Variants in PIEZO2 observed in about 807,000 individuals in gnomAD.
PIEZO2 encodes piezo-type mechanosensitive ion channel component 2.
PIEZO2 carries 172 observed loss-of-function variants against 337.3 expected under a neutral mutation model. The ratio of observed to expected loss-of-function variants is 0.51; its 90% CI spans 0.45 to 0.58. The LOEUF (loss-of-function observed/expected upper bound fraction) is 0.58. Among genes scored for constraint, PIEZO2 ranks in the 20% least tolerant of loss-of-function variants. The probability of loss-of-function intolerance (pLI) is 0.00; values close to 1 mark genes in which losing one functional copy is unlikely to be tolerated. For missense variants in PIEZO2, 3,028 were observed against 3,391.3 expected, an observed-to-expected ratio of 0.89 and a Z score of 2.66; for synonymous variants, 1,251 against 1,228.5, an observed-to-expected ratio of 1.02 and a Z score of -0.38.
chr18:10,781,032 A>G lies in PIEZO2; in HGVS notation c.2493-666T>C, dbSNP rs1483515227. Among the ~76,000 whole-genome samples, 1 of 152,086 alleles carries G rather than the reference A, an allele frequency of 6.6e-6. No homozygotes were observed. The highest frequency in any genetic ancestry group is 1.5e-5 in the Non-Finnish European group (1 of 68,020). ...TTTTGCTGCTACCCCAGAATTAAAAAAAAAAAGGATCCTACTCAGCGGCCA... is the reference window on the plus strand; with the variant it reads ...TTTTGCTGCTACCCCAGAATTAAAAGAAAAAAGGATCCTACTCAGCGGCCA... On this transcript the variant is annotated intron_variant, in intron 17 of 55. Coordinates refer to ENST00000674853, the MANE Select transcript of PIEZO2 (RefSeq NM_001378183.1). This position sits in a 1 kb window ranked among gnomAD's most constrained non-coding sequence, Gnocchi z 4.1.
chr18:10,774,173 T>G, intron 18 of PIEZO2, 135 bp from the exon 19 acceptor site: 2 of 647,848 alleles, frequency 3.1e-6, no homozygotes, highest in Non-Finnish European at 5.6e-6. Flanking sequence ...AGTAACGCCC[T>G]AATGCCAAAT....
chr18:10,894,967 C>T lies in PIEZO2; in HGVS notation c.329+16219G>A, dbSNP rs1380355099. ...ATTTTGATGTTAGATGTCTGCAGAT[C>T]CCACAATCCCTCCCTCTCTTTCCTG... is the stretch of plus-strand genomic sequence containing the variant. On this transcript the variant is annotated intron_variant, in intron 4 of 55. Coordinates refer to ENST00000674853, the MANE Select transcript of PIEZO2 (RefSeq NM_001378183.1). The surrounding 1 kb of genome is among the most constrained non-coding windows in gnomAD (Gnocchi z 4.1). 6.6e-6 allele frequency among the ~76,000 whole-genome samples: 1 copy of T among 152,212 alleles called. No homozygotes were observed. Among genetic ancestry groups the T allele is most frequent in the Non-Finnish European group, 1.5e-5 (1 of 68,048 alleles).
chr18:10,818,789 G>A (rs1055165895), intron 7 of PIEZO2, among the ~76,000 whole-genome samples: 7 of 152,016 alleles, frequency 4.6e-5, no homozygotes, highest in East Asian at 3.8e-4. Context: ...CTACCATTTC[G>A]CTTCACGTCA....
At chr18:10,971,358 T>C (rs1286718590) in intron 3 of PIEZO2, among the ~76,000 whole-genome samples, 1 of 152,240 alleles carries the variant, frequency 6.6e-6, no homozygotes, top group Non-Finnish European at 1.5e-5. Context: ...TTTACTGTTT[T>C]ATTTCTATCT....
Position 11,066,138 on chromosome 18 carries a change from G to GTGTT in PIEZO2, c.148_149insAACA (p.Thr50LysfsTer37). On this transcript the variant is annotated frameshift_variant, in exon 2 of 56. Transcript: ENST00000674853. LOFTEE classifies it high-confidence loss of function. The stretch of plus-strand genomic sequence containing the variant: ...CAAAATTCTCTTACCTTGCATCGTC[G>GTGTT]TTTTTGTTGGTTCTGAGAACAGAGG... The GTGTT allele has an allele frequency of 6.5e-7, 1 of 1,533,592 alleles. No individual in the cohort carries two copies. The highest frequency in any genetic ancestry group is 8.7e-7 in the Non-Finnish European group (1 of 1,143,684). 95.0% of individuals were successfully genotyped at this position (1,533,592 alleles called of 1,614,324 possible).
rs2039413501 is a variant in PIEZO2 at position 11,101,341 on chromosome 18, C to G, written c.65-35119G>C. 6.6e-6 allele frequency among the ~76,000 whole-genome samples: 1 copy of G among 152,234 alleles called. No homozygotes were observed. Among genetic ancestry groups the G allele is most frequent in the Non-Finnish European group, 1.5e-5 (1 of 68,046 alleles). Reference sequence around the variant, plus strand: ...CACGTGGGTCCCCACGCACCACTTGCTGGCCCCATGAAGCACTCTCAGAGG... The same window carrying G: ...CACGTGGGTCCCCACGCACCACTTGGTGGCCCCATGAAGCACTCTCAGAGG... On this transcript the variant is annotated intron_variant, in intron 1 of 55. Coordinates refer to ENST00000674853, the MANE Select transcript of PIEZO2 (RefSeq NM_001378183.1). This position sits in a 1 kb window ranked among gnomAD's most constrained non-coding sequence, Gnocchi z 4.4.
intron 36 of PIEZO2, chr18:10,725,438 G>T: frequency 6.3e-7 from 1 of 1,597,986 alleles, no homozygotes. Flanking sequence ...ACTGGTTGGA[G>T]GGCATGCTGT....
chr18:10,964,513 A>T (rs2033921082), intron 3 of PIEZO2, among the ~76,000 whole-genome samples: 1 of 152,228 alleles, frequency 6.6e-6, no homozygotes, highest in African/African-American at 2.4e-5. Context: ...AAATCTACTA[A>T]ATTAGCAAAA....
intron 3 of PIEZO2, among the ~76,000 whole-genome samples, chr18:10,957,896 C>G (rs921851360): frequency 1.3e-5 from 2 of 152,264 alleles, no homozygotes; most frequent in South Asian, 4.1e-4. Context: ...GAATGGCCAA[C>G]AGATACATGA....
rs1379522640 is a variant in PIEZO2, at chr18:10,815,822, A to G, written c.918-8548T>C. Among the ~76,000 whole-genome samples, 1 of 152,210 alleles carries G rather than the reference A, an allele frequency of 6.6e-6. No individual in the cohort carries two copies. ...TACTTTCTACCTCTCCAAGAAAAACAGTTCCAAATTTCTACCCAGTTATAC... is the reference window on the plus strand; with the variant it reads ...TACTTTCTACCTCTCCAAGAAAAACGGTTCCAAATTTCTACCCAGTTATAC... On this transcript the variant is annotated intron_variant, in intron 7 of 55. Coordinates refer to ENST00000674853, the MANE Select transcript of PIEZO2 (RefSeq NM_001378183.1). The surrounding 1 kb of genome is among the most constrained non-coding windows in gnomAD (Gnocchi z 4.1).
rs532161302 is a variant in PIEZO2 at position 10,988,889 on chromosome 18, A to G, written c.161-9229T>C. Among the ~76,000 whole-genome samples the G allele has an allele frequency of 6.6e-6, 1 of 152,286 alleles. No individual in the cohort carries two copies. The highest frequency in any genetic ancestry group is 1.5e-5 in the Non-Finnish European group (1 of 68,010). On this transcript the variant is annotated intron_variant, in intron 2 of 55. Coordinates refer to ENST00000674853, the MANE Select transcript of PIEZO2 (RefSeq NM_001378183.1). This position sits in a 1 kb window ranked among gnomAD's most constrained non-coding sequence, Gnocchi z 4.8. ...TGGAATCTAAAATAGCCTAACTTGT[A>G]GAAGCAGAGAGTAGAATGGTGGTTA...
rs114511696 is a variant in PIEZO2, at chr18:10,798,077, C to G, written c.1379-555G>C. Among the ~76,000 whole-genome samples, 925 of 152,308 alleles carry G rather than the reference C, an allele frequency of 6.1e-3. 9 individuals are homozygous for G. Among genetic ancestry groups the G allele is most frequent in the African/African-American group, 0.02 (852 of 41,566 alleles). ...GCCAGATGTCAGCAAGAGCCTGAGGCCAGCCAATAGCTACACAGTGAGCCT... is the reference window on the plus strand; with the variant it reads ...GCCAGATGTCAGCAAGAGCCTGAGGGCAGCCAATAGCTACACAGTGAGCCT... On this transcript the variant is annotated intron_variant, in intron 11 of 55. Transcript: ENST00000674853.
Position 11,094,903 on chromosome 18 carries a change from G to C in PIEZO2, c.65-28681C>G, listed in dbSNP as rs781270813. Among the ~76,000 whole-genome samples, 2 of 152,178 alleles carry C rather than the reference G, an allele frequency of 1.3e-5. No individual in the cohort carries two copies. The highest frequency in any genetic ancestry group is 2.9e-5 in the Non-Finnish European group (2 of 68,032). On this transcript the variant is annotated intron_variant, in intron 1 of 55. Coordinates refer to ENST00000674853, the MANE Select transcript of PIEZO2 (RefSeq NM_001378183.1). This position sits in a 1 kb window ranked among gnomAD's most constrained non-coding sequence, Gnocchi z 4.4. ...ATGGCCTGACTGAAAGCCATCTGAGGAACTCTGTCCCCTCTTCCTACAGCT... is the reference window on the plus strand; with the variant it reads ...ATGGCCTGACTGAAAGCCATCTGAGCAACTCTGTCCCCTCTTCCTACAGCT...
intron 17 of PIEZO2, among the ~76,000 whole-genome samples, chr18:10,780,669 CT>C (rs11392739): frequency 0.026 from 3,418 of 131,304 alleles, 69 homozygotes; most frequent in African/African-American, 0.059. Context: ...TTTAAGGTAC[CT>C]TTTTTTTTTT....
intron 2 of PIEZO2, among the ~76,000 whole-genome samples, chr18:11,007,270 A>C (rs1229198992): frequency 1.3e-5 from 2 of 152,238 alleles, no homozygotes; most frequent in Non-Finnish European, 2.9e-5. Context: ...GAAAGTTAAT[A>C]AATATAGCTT....
intron 3 of PIEZO2, among the ~76,000 whole-genome samples, chr18:10,971,957 G>A (rs934260767): frequency 2.0e-5 from 3 of 152,174 alleles, no homozygotes; most frequent in African/African-American, 7.2e-5. Context: ...CCAGTAATAC[G>A]ATAGTGAAAG....
chr18:10,881,828 G>C (rs934742947), intron 4 of PIEZO2, among the ~76,000 whole-genome samples: 15 of 152,044 alleles, frequency 9.9e-5, no homozygotes, highest in Non-Finnish European at 1.5e-4. Flanking sequence ...CCAAAACCTA[G>C]AGCGCCAAAT....
chr18:10,821,060 C>G lies in PIEZO2; in HGVS notation c.918-13786G>C, dbSNP rs180791086. ...GAATTCAGCTAAAGTGTCTAGATGACTCCTTGAAGATCTCTGGAGCTCTTT... is the reference window on the plus strand; with the variant it reads ...GAATTCAGCTAAAGTGTCTAGATGAGTCCTTGAAGATCTCTGGAGCTCTTT... On this transcript the variant is annotated intron_variant, in intron 7 of 55. Transcript: ENST00000674853. The surrounding 1 kb of genome is among the most constrained non-coding windows in gnomAD (Gnocchi z 4.2). Among the ~76,000 whole-genome samples, 2 of 152,280 alleles carry G rather than the reference C, an allele frequency of 1.3e-5. No individual in the cohort carries two copies. The highest frequency in any genetic ancestry group is 1.3e-4 in the Admixed American group (2 of 15,282).
chr18:10,877,035 A>C lies in PIEZO2; in HGVS notation c.330-5620T>G, dbSNP rs78609704. On this transcript the variant is annotated intron_variant, in intron 4 of 55. Coordinates refer to ENST00000674853, the MANE Select transcript of PIEZO2 (RefSeq NM_001378183.1). This position sits in a 1 kb window ranked among gnomAD's most constrained non-coding sequence, Gnocchi z 5.3. ...TCTTCTAATTCTCTACCTACCTATG[A>C]ATATCCATGAAAACTCATGTTGCTG... Among the ~76,000 whole-genome samples, 3,210 of 152,278 alleles carry C rather than the reference A, an allele frequency of 0.021. 110 individuals carry two copies. Among genetic ancestry groups the C allele is most frequent in the African/African-American group, 0.072 (2,983 of 41,530 alleles).
Sources: gnomAD v4.1 joint callset for allele counts (sites outside exome capture counted in the v4.1 genomes callset) on GRCh38, gnomAD v4.1.1 for gene constraint, Gnocchi (gnomAD v3.1) non-coding constraint, MANE v1.5 for transcripts, NCBI Gene and HGNC (gene_info 2026-07-23, HGNC 2026-07-21) for gene names.